SREBF2: variants seen among roughly 807,000 people sequenced by gnomAD.
SREBF2 encodes the protein sterol regulatory element-binding protein 2.
A neutral mutation model predicts 113.1 loss-of-function variants in SREBF2; 55 were observed. The observed-to-expected ratio is 0.49, with a 90% confidence interval of 0.39 to 0.61. The LOEUF is 0.61. Ranked by LOEUF, SREBF2 falls within the 20% of genes least tolerant of loss-of-function variation. The probability of loss-of-function intolerance (pLI) is 0.00; values close to 1 mark genes in which losing one functional copy is unlikely to be tolerated. For missense variants in SREBF2, 1,349 were observed against 1,487.4 expected, an observed-to-expected ratio of 0.91 and a Z score of 1.53; for synonymous variants, 593 against 605.7, an observed-to-expected ratio of 0.98 and a Z score of 0.31.
chr22:41,892,510 T>C (rs930166735), intron 11 of SREBF2, among the ~76,000 whole-genome samples: 3 of 151,586 alleles, frequency 2.0e-5, no homozygotes, highest in Non-Finnish European at 4.4e-5. Context: ...TAGCCGGGCA[T>C]GGTGGCGCGC....
chr22:41,886,599 G>A (rs1243798077), intron 11 of SREBF2, among the ~76,000 whole-genome samples: 1 of 152,114 alleles, frequency 6.6e-6, no homozygotes, highest in Non-Finnish European at 1.5e-5. Flanking sequence ...AACATTCCCA[G>A]CACCCCCAGA....
chr22:41,868,760 ACAGTTGCTGCGCCACAGGTGCAGC>A lies in SREBF2; in HGVS notation c.689_712del (p.Thr230_Gln238delinsLys). ...GACCCTTGCCCCGGCTACGGTGCAG[ACAGTTGCTGCGCCACAGGTGCAGC>A]AGGTCCCGGTAAGTGGCTGGAAAGG... On this transcript the variant is annotated inframe_deletion, in exon 3 of 19. Coordinates refer to ENST00000361204, the MANE Select transcript of SREBF2 (RefSeq NM_004599.4). 1 of 1,613,656 alleles carries A rather than the reference ACAGTTGCTGCGCCACAGGTGCAGC, an allele frequency of 6.2e-7. No individual in the cohort carries two copies. The highest frequency in any genetic ancestry group is 8.5e-7 in the Non-Finnish European group (1 of 1,179,788).
Position 41,895,118 on chromosome 22 carries a change from C to G in SREBF2, c.2495+181C>G, listed in dbSNP as rs17002747. On this transcript the variant is annotated intron_variant, in intron 13 of 18. Transcript: ENST00000361204. ...GAGCCCTATGTTAACTCTGACCTGGCCTTTCCTCCTAGACCAAGTGCGTTT... is the reference window on the plus strand; with the variant it reads ...GAGCCCTATGTTAACTCTGACCTGGGCTTTCCTCCTAGACCAAGTGCGTTT... 0.029 allele frequency among the ~76,000 whole-genome samples: 4,332 copies of G among 151,420 alleles called. 195 individuals are homozygous for G. Among genetic ancestry groups the G allele is most frequent in the African/African-American group, 0.099 (4,087 of 41,284 alleles).
chr22:41,875,631 GT>G lies in SREBF2; in HGVS notation c.1294del (p.Ser432ProfsTer46). ...EDFNQNVLLM[S>X]PPASDSGSQA... is the part of the protein sequence containing the mutation. ...ACTTTAATCAGAATGTCCTTCTGAT[GT>G]CCCCCCCAGCCTCTGACTCAGGGTC... On this transcript the variant is annotated frameshift_variant, in exon 7 of 19. Coordinates refer to ENST00000361204, the MANE Select transcript of SREBF2 (RefSeq NM_004599.4). LOFTEE classifies it high-confidence loss of function. 1 of 1,614,100 alleles carries G rather than the reference GT, an allele frequency of 6.2e-7. No individual in the cohort carries two copies. Among genetic ancestry groups the G allele is most frequent in the Non-Finnish European group, 8.5e-7 (1 of 1,180,022 alleles).
chr22:41,901,104 G>T, intron 16 of SREBF2: 1 of 404,572 alleles, frequency 2.5e-6, no homozygotes, highest in Non-Finnish European at 5.0e-6. Flanking sequence ...GCCACTGTTG[G>T]GGCCCAAGTC....
At chr22:41,836,668 T>TGATC (rs1297310308) in intron 1 of SREBF2, among the ~76,000 whole-genome samples, 4 of 152,214 alleles carry the variant, frequency 2.6e-5, no homozygotes, top group Admixed American at 2.6e-4. Context: ...AATGCCTGAG[T>TGATC]GATCCAGTGA....
intron 5 of SREBF2, among the ~76,000 whole-genome samples, chr22:41,874,822 G>T (rs957057937): frequency 2.0e-5 from 3 of 152,094 alleles, no homozygotes; most frequent in African/African-American, 7.2e-5. Flanking sequence ...CAGGAGAATT[G>T]TTTGAACCTG....
intron 11 of SREBF2, among the ~76,000 whole-genome samples, chr22:41,890,307 T>C (rs1199707338): frequency 6.6e-6 from 1 of 152,222 alleles, no homozygotes; most frequent in African/African-American, 2.4e-5. Context: ...TAGTGTGGTC[T>C]CAATGCTGAG....
chr22:41,881,013 G>C (rs1371854537), intron 10 of SREBF2, 21 bp downstream of exon 10: 1 of 1,601,184 alleles, frequency 6.2e-7, no homozygotes, highest in Non-Finnish European at 8.5e-7. Context: ...AGCTGCTGCT[G>C]CCTGGCTTGC....
chr22:41,839,962 T>C (rs959885239), intron 1 of SREBF2, among the ~76,000 whole-genome samples: 10 of 145,712 alleles, frequency 6.9e-5, no homozygotes, highest in African/African-American at 1.5e-4. Context: ...GTTTCTTTTT[T>C]TTTTTTTTTT....
At chr22:41,900,523 T>C in intron 16 of SREBF2, 25 bp downstream of exon 16, 1 of 1,609,470 alleles carries the variant, frequency 6.2e-7, no homozygotes, top group Non-Finnish European at 8.5e-7. Context: ...AGTTGGCCCC[T>C]GGGGGAGGTG....
At chr22:41,858,726 G>A (rs2076998807) in intron 1 of SREBF2, among the ~76,000 whole-genome samples, 2 of 152,084 alleles carry the variant, frequency 1.3e-5, no homozygotes, top group Admixed American at 1.3e-4. Context: ...CAGCCTGGGT[G>A]ACAGAGTAAG....
intron 1 of SREBF2, among the ~76,000 whole-genome samples, chr22:41,863,905 G>T (rs6002514): frequency 6.6e-6 from 1 of 151,138 alleles, no homozygotes; most frequent in Non-Finnish European, 1.5e-5. Context: ...TTTTTGGGAC[G>T]GAGTCTTGCT....
chr22:41,868,859 G>A, intron 3 of SREBF2, 67 bp downstream of exon 3: 2 of 1,545,712 alleles, frequency 1.3e-6, no homozygotes, highest in Non-Finnish European at 1.8e-6. Context: ...GGTTGAAGAT[G>A]TGGTCTACAT....
chr22:41,841,787 G>A (rs1470951630), intron 1 of SREBF2, among the ~76,000 whole-genome samples: 4 of 152,146 alleles, frequency 2.6e-5, no homozygotes, highest in Non-Finnish European at 5.9e-5. Context: ...GCTTATCTGC[G>A]TACATATCAC....
rs1322005196 is a variant in SREBF2, at chr22:41,885,009, G to A, written c.2206G>A (p.Ala736Thr). The A allele has an allele frequency of 6.2e-7, 1 of 1,614,106 alleles. No individual in the cohort carries two copies. The highest frequency in any genetic ancestry group is 2.2e-5 in the East Asian group (1 of 44,880). ...TRCGGKLGFL[A>T]SYFLSRAQSL... ...GTGTGGAGGCAAGCTGGGCTTCCTG[G>A]CCGTGAGTACCCTTCGGTTCCCTTC... Residue 736 changes from alanine to threonine, a missense_variant and splice_region_variant, in exon 11 of 19, where the codon GCC becomes ACC. Ala to Thr is a moderately conservative substitution (Grantham distance 58). Around this residue, in one of 2 missense-constraint regions of SREBF2, gnomAD observed 650 missense variants for 644.1 expected, o/e 1.01. Transcript: ENST00000361204.
Position 41,875,327 on chromosome 22 carries a change from T to G in SREBF2, c.1090-10T>G. The G allele has an allele frequency of 1.4e-5, 22 of 1,612,174 alleles. No homozygotes were observed. The highest frequency in any genetic ancestry group is 1.8e-5 in the Non-Finnish European group (21 of 1,178,256). Reference sequence around the variant, plus strand: ...GGTCTCACTGTGTTTTCACTCATCTTCCTACCCAGATGCACAAGTCTGGCG... The same window carrying G: ...GGTCTCACTGTGTTTTCACTCATCTGCCTACCCAGATGCACAAGTCTGGCG... On this transcript the variant is annotated splice_polypyrimidine_tract_variant and intron_variant, in intron 5 of 18. Coordinates refer to ENST00000361204, the MANE Select transcript of SREBF2 (RefSeq NM_004599.4).
chr22:41,879,687 C>T (rs1327248038), intron 9 of SREBF2, among the ~76,000 whole-genome samples: 1 of 152,166 alleles, frequency 6.6e-6, no homozygotes, highest in Non-Finnish European at 1.5e-5. Flanking sequence ...ATGTGGGAAA[C>T]AAAGCACAGA....
intron 1 of SREBF2, among the ~76,000 whole-genome samples, chr22:41,865,588 G>A (rs1409665949): frequency 6.6e-6 from 1 of 152,132 alleles, no homozygotes; most frequent in African/African-American, 2.4e-5. Context: ...CTTTGGGCTG[G>A]GAATTTAAGG....
Sources: allele counts gnomAD v4.1 joint callset (sites outside exome capture counted in the v4.1 genomes callset), GRCh38; gene constraint gnomAD v4.1.1; regional missense constraint gnomAD v4.1.1; transcripts MANE v1.5; gene names NCBI Gene and HGNC (gene_info 2026-07-23, HGNC 2026-07-21).